Variants in FAT1 observed in about 807,000 individuals in gnomAD.
FAT1 encodes FAT atypical cadherin 1.
Under a neutral mutation model 329.8 loss-of-function variants are expected in FAT1, and 171 were observed. That is an observed-to-expected ratio of 0.52 (90% confidence interval 0.46 to 0.59). FAT1 has a LOEUF of 0.59. Among genes scored for constraint, FAT1 ranks in the 20% least tolerant of loss-of-function variants. The pLI is 0.00. For missense variants in FAT1, 5,672 were observed against 5,774.4 expected (o/e 0.98, Z 0.57); for synonymous variants, 2,233 against 2,228.6 (o/e 1.00, Z -0.06).
Position 186,709,343 on chromosome 4 carries a change from G to A in FAT1, c.485C>T (p.Thr162Ile), listed in dbSNP as rs2126703459. Residue 162 changes from threonine to isoleucine, a missense_variant, in exon 2 of 27, where the codon ACA becomes ATA. Physicochemically the swap from Thr to Ile is moderately conservative, Grantham distance 89 (BLOSUM62 -1). This residue lies in a region of FAT1 where 3,966 missense variants were observed against 3,915.2 expected (regional missense o/e 1.01). Transcript: ENST00000441802. ...TCTTGCGATACTGGTCCTTATAGCT[G>A]TGTTTTCAGGTAAAGAAACGCTGTA... ...TSYSVSLPEN[T>I]AIRTSIARVS... The A allele has an allele frequency of 6.2e-7, 1 of 1,613,996 alleles. No individual in the cohort carries two copies. Among genetic ancestry groups the A allele is most frequent in the Non-Finnish European group, 8.5e-7 (1 of 1,179,896 alleles).
chr4:186,602,862 A>G (rs767632933), intron 20 of FAT1, 41 bp downstream of exon 20: 1 of 1,571,052 alleles, frequency 6.4e-7, no homozygotes, highest in South Asian at 1.2e-5. Flanking sequence ...AATGAAACCG[A>G]TTTTTAAAAA....
At chr4:186,647,623 T>A (rs1028616871) in intron 3 of FAT1, among the ~76,000 whole-genome samples, 8 of 152,300 alleles carry the variant, frequency 5.3e-5, no homozygotes, top group African/African-American at 1.9e-4. Context: ...TTTCTCACGA[T>A]GTTGTATTAA....
chr4:186,603,763 T>C lies in FAT1; in HGVS notation c.10763A>G (p.Asn3588Ser), dbSNP rs1052346384. The change falls in exon 19 of 27, where the codon AAC (asparagine) becomes AGC (serine). Residue 3588 changes from asparagine (N) to serine (S), a missense_variant. Physicochemically the swap from Asn to Ser is conservative, Grantham distance 46. Transcript: ENST00000441802. ...LTYSLDPQMD[N>S]LFSVSSTGGK... ...CCCTGTGCTGGAAACAGAGAACAGGTTGTCCATCTGAGGGTCGAGACTGTA... is the reference window on the plus strand; with the variant it reads ...CCCTGTGCTGGAAACAGAGAACAGGCTGTCCATCTGAGGGTCGAGACTGTA... 2 of 1,613,912 alleles carry C rather than the reference T, an allele frequency of 1.2e-6. No individual in the cohort carries two copies. The highest frequency in any genetic ancestry group is 1.1e-5 in the South Asian group (1 of 91,072).
At position 186,606,109 on chromosome 4, in the gene FAT1, C is replaced by A. The variant is rs764276014; in HGVS notation, c.10311G>T (p.Ala3437=). 21 of 1,613,140 alleles carry A rather than the reference C, an allele frequency of 1.3e-5. No individual in the cohort carries two copies. Among genetic ancestry groups the A allele is most frequent in the Non-Finnish European group, 1.8e-5 (21 of 1,179,796 alleles). The change falls in exon 17 of 27, where the codon GCG becomes GCT. Residue 3437 remains alanine, a synonymous_variant. Coordinates refer to ENST00000441802, the MANE Select transcript of FAT1 (RefSeq NM_005245.4). ...TGTAGTTTCCCCTGGAGAAGACGGG[C>A]GCGTTGTCATTGACATCGGACACAT... ...NIDVSDVNDN[A]PVFSRGNYSV... is the part of the protein sequence containing the mutation.
Position 186,614,320 on chromosome 4 carries a change from C to T in FAT1, c.9100G>A (p.Glu3034Lys), listed in dbSNP as rs866149992. The change falls in exon 12 of 27, where the codon GAA becomes AAA. Residue 3034 changes from glutamate (E) to lysine (K), a missense_variant. Glu to Lys is a moderately conservative substitution (Grantham distance 56). Transcript: ENST00000441802. ...ATCAATTTTCCAGGAAGGACGTCTTCAGGAATAGTGTCTGAATATAAAGTC... is the reference window on the plus strand; with the variant it reads ...ATCAATTTTCCAGGAAGGACGTCTTTAGGAATAGTGTCTGAATATAAAGTC... ...EKTLYSDTIP[E>K]DVLPGKLIMQ... is the part of the protein sequence containing the mutation. The T allele has an allele frequency of 6.3e-7, 1 of 1,574,960 alleles. No individual in the cohort carries two copies. Among genetic ancestry groups the T allele is most frequent in the South Asian group, 1.2e-5 (1 of 83,012 alleles).
intron 2 of FAT1, among the ~76,000 whole-genome samples, chr4:186,689,154 T>C (rs2126656553): frequency 6.6e-6 from 1 of 152,368 alleles, no homozygotes; most frequent in Admixed American, 6.5e-5. Flanking sequence ...TTGGAAATGA[T>C]GGACCTGGTC....
intron 2 of FAT1, among the ~76,000 whole-genome samples, chr4:186,685,478 T>TG (rs1743417155): frequency 6.6e-6 from 1 of 152,218 alleles, no homozygotes; most frequent in Admixed American, 6.5e-5. Flanking sequence ...AACCAGCATA[T>TG]GTGGCCTGGG....
At chr4:186,590,449 A>G in intron 26 of FAT1, 1 of 1,170,056 alleles carries the variant, frequency 8.5e-7, no homozygotes, top group South Asian at 1.3e-5. Context: ...TGTAATTAAA[A>G]CAGTCGGCTG....
At chr4:186,698,461 A>G (rs1447205054) in intron 2 of FAT1, among the ~76,000 whole-genome samples, 2 of 152,270 alleles carry the variant, frequency 1.3e-5, no homozygotes, top group Admixed American at 1.3e-4. Context: ...GGCGCGTGTA[A>G]ATAAACAATT....
At chr4:186,592,511 C>T (rs1383230961) in intron 26 of FAT1, among the ~76,000 whole-genome samples, 1 of 152,166 alleles carries the variant, frequency 6.6e-6, no homozygotes, top group Admixed American at 6.5e-5. Context: ...ACATAACATA[C>T]ATTGAGATAT....
chr4:186,590,257 T>C, intron 26 of FAT1: 1 of 522,180 alleles, frequency 1.9e-6, no homozygotes, highest in Non-Finnish European at 3.4e-6. Flanking sequence ...GCCGTGTACT[T>C]AGTTACTGCT....
Position 186,618,915 on chromosome 4 carries a change from T to G in FAT1, c.7671A>C (p.Glu2557Asp), listed in dbSNP as rs2126500330. ...QIFTLEKLDR[E>D]TPAEKVISVR... ...CTGAGATCACTTTCTCCGCCGGGGT[T>G]TCTCGATCAAGTTTTTCCAAAGTAA... The change falls in exon 10 of 27, where the codon GAA becomes GAC. Residue 2557 changes from glutamate (E) to aspartate (D), a missense_variant. Physicochemically the swap from Glu to Asp is conservative, Grantham distance 45. Transcript: ENST00000441802. The G allele has an allele frequency of 6.2e-7, 1 of 1,613,956 alleles. No homozygotes were observed.
At position 186,723,792 on chromosome 4, in the gene FAT1, A is replaced by AGCCGCTGCCGCG. The variant is rs1561023792; in HGVS notation, c.-148_-147insCGCGGCAGCGGC. ...CGCGCGTCCGCATGGTACCTGCCGC[A>AGCCGCTGCCGCG]CGAGCCGCTCCCGCGCCCTCTCCCC... On this transcript the variant is annotated 5_prime_UTR_variant, in exon 1 of 27. Transcript: ENST00000441802. 8.7e-5 allele frequency: 13 copies of AGCCGCTGCCGCG among 149,558 alleles called. No homozygotes were observed. Among genetic ancestry groups the AGCCGCTGCCGCG allele is most frequent in the African/African-American group, 3.2e-4 (13 of 40,926 alleles). The allele number at this position is 149,558 out of a possible 1,614,324, so 9.3% of individuals were successfully genotyped here.
At chr4:186,723,366 G>C (rs1268898617) in intron 1 of FAT1, among the ~76,000 whole-genome samples, 2 of 152,198 alleles carry the variant, frequency 1.3e-5, no homozygotes, top group Non-Finnish European at 2.9e-5. Context: ...GCGCAGCCCG[G>C]CGAGCTCCCG....
At chr4:186,612,021 G>A (rs1436252111) in intron 13 of FAT1, among the ~76,000 whole-genome samples, 1 of 151,356 alleles carries the variant, frequency 6.6e-6, no homozygotes, top group African/African-American at 2.4e-5. Context: ...ATGTTGGCCA[G>A]GCTGGTCTTG....
chr4:186,660,189 G>A (rs965317938), intron 3 of FAT1, among the ~76,000 whole-genome samples: 3 of 152,054 alleles, frequency 2.0e-5, no homozygotes, highest in Non-Finnish European at 4.4e-5. Flanking sequence ...CCTACCGGAC[G>A]GACTTTCATC....
Position 186,621,001 on chromosome 4 carries a change from G to T in FAT1, c.5585C>A (p.Ala1862Glu), listed in dbSNP as rs2126521198. Reference protein sequence around the residue: ...MGTPRLFAEYAANVTVHVIDI... With the variant: ...MGTPRLFAEYEANVTVHVIDI... ...AATTACATGTACTGTTACATTCGCT[G>T]CATACTCAGCAAATAAACGTGGGGT... The change falls in exon 10 of 27, where the codon GCA becomes GAA. Residue 1862 changes from alanine (A) to glutamate (E), a missense_variant. By Grantham distance (107) the Ala-to-Glu change is moderately radical (BLOSUM62 -1). Coordinates refer to ENST00000441802, the MANE Select transcript of FAT1 (RefSeq NM_005245.4). 1.2e-6 allele frequency: 2 copies of T among 1,612,634 alleles called. No individual in the cohort carries two copies. Among genetic ancestry groups the T allele is most frequent in the Non-Finnish European group, 8.5e-7 (1 of 1,179,852 alleles).
chr4:186,682,095 G>A (rs985506316), intron 2 of FAT1, among the ~76,000 whole-genome samples: 2 of 152,182 alleles, frequency 1.3e-5, no homozygotes, highest in Non-Finnish European at 2.9e-5. Flanking sequence ...ATATGGAGGC[G>A]ATAAGGGACG....
At chr4:186,700,307 C>G (rs1255396520) in intron 2 of FAT1, among the ~76,000 whole-genome samples, 1 of 152,210 alleles carries the variant, frequency 6.6e-6, no homozygotes, top group Non-Finnish European at 1.5e-5. Context: ...TTAAATCACA[C>G]TTTTACAACT....
Sources: gnomAD v4.1 joint callset for allele counts (sites outside exome capture counted in the v4.1 genomes callset) on GRCh38, gnomAD v4.1.1 for gene constraint, gnomAD v4.1.1 regional missense constraint, MANE v1.5 for transcripts, NCBI Gene and HGNC (gene_info 2026-07-23, HGNC 2026-07-21) for gene names.